Variants in SMOC2 observed in about 807,000 individuals in gnomAD.
The protein encoded by SMOC2 is SPARC related modular calcium binding 2.
A neutral mutation model predicts 61.4 loss-of-function variants in SMOC2; 39 were observed. That is an observed-to-expected ratio of 0.64 (90% CI 0.49 to 0.83). The LOEUF (loss-of-function observed/expected upper bound fraction) is 0.83, where lower values mean the gene tolerates loss of function less well. SMOC2 is among the 40% of genes least tolerant of loss of function. The pLI is 0.00. For synonymous variants in SMOC2, 247 were observed against 239.9 expected (o/e 1.03, Z -0.27); for missense variants, 556 against 592.9 (o/e 0.94, Z 0.65).
chr6:168,577,478 A>G (rs1011719339), intron 7 of SMOC2, among the ~76,000 whole-genome samples: 2 of 152,110 alleles, frequency 1.3e-5, no homozygotes, highest in African/African-American at 4.8e-5. Context: ...TGTGATGGTT[A>G]TGTTGCATCC....
chr6:168,525,842 G>T (rs953633191), intron 2 of SMOC2, among the ~76,000 whole-genome samples: 7 of 152,164 alleles, frequency 4.6e-5, no homozygotes, highest in African/African-American at 1.7e-4. Context: ...GTCCCACCGC[G>T]TGCGTCCTGA....
intron 9 of SMOC2, among the ~76,000 whole-genome samples, chr6:168,624,905 A>G (rs951428547): frequency 4.0e-5 from 6 of 151,892 alleles, no homozygotes; most frequent in African/African-American, 1.5e-4. Flanking sequence ...ATAAACACAC[A>G]TGTACACAGA....
rs557341730 is a variant in SMOC2 at position 168,616,783 on chromosome 6, A to G, written c.907+8544A>G. Among the ~76,000 whole-genome samples, 3 of 152,366 alleles carry G rather than the reference A, an allele frequency of 2.0e-5. No individual in the cohort carries two copies. In the East Asian group the frequency reaches 5.8e-4, roughly 29 times the overall value. On this transcript the variant is annotated intron_variant, in intron 9 of 12. Coordinates refer to ENST00000356284, the MANE Select transcript of SMOC2 (RefSeq NM_001166412.2). Reference sequence around the variant, plus strand: ...ATATAATTGCCATCCCAGAGGCATCATAAGACAGGAAGAGCAGGGACAAGG... The same window carrying G: ...ATATAATTGCCATCCCAGAGGCATCGTAAGACAGGAAGAGCAGGGACAAGG...
chr6:168,525,274 T>C (rs138262197), intron 2 of SMOC2, among the ~76,000 whole-genome samples: 137 of 152,322 alleles, frequency 9.0e-4, no homozygotes, highest in Middle Eastern at 3.4e-3. Context: ...AGGCTGTTCT[T>C]AGGACAAGCC....
rs1554287070 is a variant in SMOC2, at chr6:168,523,079, A to ATTTT, written c.257-3250_257-3247dup. On this transcript the variant is annotated intron_variant, in intron 2 of 12. Transcript: ENST00000356284. ...TTATGTTATTTGTAGTTGTACAGTA[A>ATTTT]TTTTTTTTTTTTTTTTTTTTGAGAC... Among the ~76,000 whole-genome samples the ATTTT allele has an allele frequency of 1.5e-4, 14 of 93,690 alleles. 3 individuals are homozygous for ATTTT. The highest frequency in any genetic ancestry group is 2.7e-4 in the African/African-American group (8 of 30,142). The allele number at this position is 93,690 out of a possible 152,430, so 61.5% of individuals were successfully genotyped here. A position where few individuals can be genotyped will look rare whatever the true frequency, so the allele number is the denominator to read the frequency against.
chr6:168,485,461 C>T (rs1328313346), intron 1 of SMOC2, among the ~76,000 whole-genome samples: 1 of 152,112 alleles, frequency 6.6e-6, no homozygotes, highest in Non-Finnish European at 1.5e-5. Context: ...TAAAATGCAG[C>T]CTAGTCACAC....
At chr6:168,522,321 A>T (rs1011858097) in intron 2 of SMOC2, among the ~76,000 whole-genome samples, 1 of 152,222 alleles carries the variant, frequency 6.6e-6, no homozygotes, top group Non-Finnish European at 1.5e-5. Context: ...TGCCATGTGA[A>T]CCATCATTTC....
chr6:168,456,088 C>T lies in SMOC2; in HGVS notation c.84+14634C>T, dbSNP rs561594985. Among the ~76,000 whole-genome samples the T allele has an allele frequency of 9.8e-5, 15 of 152,332 alleles. No individual in the cohort carries two copies. In the East Asian group the frequency reaches 1.9e-3, roughly 20 times the overall value. On this transcript the variant is annotated intron_variant, in intron 1 of 12. Coordinates refer to ENST00000356284, the MANE Select transcript of SMOC2 (RefSeq NM_001166412.2). The stretch of plus-strand genomic sequence containing the variant: ...GGAGGGCGGAGTGGGCGTGGGGGCA[C>T]GGGCCTGCTGGGAAGGAGTCACTGC...
chr6:168,540,616 G>A (rs1015310544), intron 4 of SMOC2, among the ~76,000 whole-genome samples: 1 of 150,978 alleles, frequency 6.6e-6, no homozygotes, highest in Non-Finnish European at 1.5e-5. Context: ...TCCCTGCAGC[G>A]CCACATCCTC....
chr6:168,584,600 A>G (rs1431524456), intron 7 of SMOC2, among the ~76,000 whole-genome samples: 1 of 152,132 alleles, frequency 6.6e-6, no homozygotes, highest in East Asian at 1.9e-4. Flanking sequence ...ACTTTTGCCT[A>G]TCATTGAGTC....
Position 168,656,524 on chromosome 6 carries a change from A to AG in SMOC2, c.1285+3296_1285+3297insG, listed in dbSNP as rs1211339996. On this transcript the variant is annotated intron_variant, in intron 11 of 12. Coordinates refer to ENST00000356284, the MANE Select transcript of SMOC2 (RefSeq NM_001166412.2). ...CTTTGTGTTAAAAAAAAAAAAAAAA[A>AG]AAAAAAGAAAAGAAAAGAAAAAGAG... Among the ~76,000 whole-genome samples, 15 of 145,702 alleles carry AG rather than the reference A, an allele frequency of 1.0e-4. No homozygotes were observed. In the East Asian group the frequency reaches 1.5e-3, roughly 14 times the overall value.
rs147730871 is a variant in SMOC2 at position 168,630,759 on chromosome 6, C to T, written c.908-19922C>T. On this transcript the variant is annotated intron_variant, in intron 9 of 12. Coordinates refer to ENST00000356284, the MANE Select transcript of SMOC2 (RefSeq NM_001166412.2). ...CCCTGAGAAAGAGAATGTGCGCTTG[C>T]GGGTAGGTCTCTGAACTGGCCCCCC... is the stretch of plus-strand genomic sequence containing the variant. 6.5e-3 allele frequency among the ~76,000 whole-genome samples: 997 copies of T among 152,258 alleles called. 13 individuals are homozygous for T. Among genetic ancestry groups the T allele is most frequent in the African/African-American group, 0.023 (942 of 41,536 alleles).
rs73270940 is a variant in SMOC2 at position 168,445,681 on chromosome 6, G to A, written c.84+4227G>A. ...TTGAGTCCATTTCATGCTCTGGGAG[G>A]GCTTCTACTGCATTCCCCAGTAGAA... On this transcript the variant is annotated intron_variant, in intron 1 of 12. Coordinates refer to ENST00000356284, the MANE Select transcript of SMOC2 (RefSeq NM_001166412.2). Among the ~76,000 whole-genome samples the A allele has an allele frequency of 4.2e-3, 632 of 152,124 alleles. 7 individuals carry two copies. The highest frequency in any genetic ancestry group is 0.014 in the African/African-American group (593 of 41,482).
chr6:168,646,011 C>T (rs1787020705), intron 9 of SMOC2, among the ~76,000 whole-genome samples: 1 of 152,202 alleles, frequency 6.6e-6, no homozygotes, highest in Non-Finnish European at 1.5e-5. Context: ...GAAGAAAGCT[C>T]CTTTGTCATC....
At chr6:168,649,406 C>G (rs1787134748) in intron 9 of SMOC2, among the ~76,000 whole-genome samples, 1 of 152,138 alleles carries the variant, frequency 6.6e-6, no homozygotes, top group Non-Finnish European at 1.5e-5. Context: ...AGCAGAGCCC[C>G]AGGGAGAGGC....
At chr6:168,456,204 G>C (rs1781582553) in intron 1 of SMOC2, among the ~76,000 whole-genome samples, 1 of 152,252 alleles carries the variant, frequency 6.6e-6, no homozygotes, top group African/African-American at 2.4e-5. Context: ...TAGTTTAAAA[G>C]AGGGTCCCAC....
chr6:168,457,124 G>A (rs142625772), intron 1 of SMOC2, among the ~76,000 whole-genome samples: 11 of 152,294 alleles, frequency 7.2e-5, no homozygotes, highest in Non-Finnish European at 8.8e-5. Context: ...CAGCGCGGCC[G>A]CCACGCCCCT....
At chr6:168,518,735 G>A (rs921118571) in intron 2 of SMOC2, among the ~76,000 whole-genome samples, 2 of 150,958 alleles carry the variant, frequency 1.3e-5, no homozygotes, top group Non-Finnish European at 3.0e-5. Flanking sequence ...GAGTGTGCAT[G>A]TGTGTGAATG....
At chr6:168,543,695 C>T in intron 5 of SMOC2, 23 bp downstream of exon 5, 1 of 1,604,396 alleles carries the variant, frequency 6.2e-7, no homozygotes, top group Non-Finnish European at 8.5e-7. Flanking sequence ...GAATAAATGT[C>T]TATGACGATA....
Sources: gnomAD v4.1 joint callset for allele counts (sites outside exome capture counted in the v4.1 genomes callset) on GRCh38, gnomAD v4.1.1 for gene constraint, MANE v1.5 for transcripts, NCBI Gene and HGNC (gene_info 2026-07-23, HGNC 2026-07-21) for gene names.